The following ODAD1 variants were observed in gnomAD, a reference collection of about 807,000 sequenced individuals.
The protein encoded by ODAD1 is outer dynein arm-docking complex subunit 1.
In ODAD1, 49 loss-of-function variants were observed where a neutral mutation model predicts 67.2. That is an observed-to-expected ratio of 0.73 (90% CI 0.58 to 0.92). ODAD1 has a LOEUF of 0.92. Ranked by LOEUF, ODAD1 falls within the 40% of genes least tolerant of loss-of-function variation. ODAD1 has a pLI of 0.00. For synonymous variants in ODAD1, 345 were observed against 393.7 expected, an observed-to-expected ratio of 0.88 and a Z score of 1.46; for missense variants, 897 against 953.7, an observed-to-expected ratio of 0.94 and a Z score of 0.78.
rs576840660 is a variant in ODAD1, at chr19:48,296,970, C to T, written c.*6G>A. The T allele has an allele frequency of 2.6e-5, 42 of 1,586,098 alleles. No homozygotes were observed. In the East Asian group the frequency reaches 8.5e-4, roughly 32 times the overall value. On this transcript the variant is annotated 3_prime_UTR_variant, in exon 16 of 16. Transcript: ENST00000674294. ...AGGGCAGGGTGGGGGCTGCGTGCCCCTCGTGTTAGCCCCGGGAGTCTTTGC... is the reference window on the plus strand; with the variant it reads ...AGGGCAGGGTGGGGGCTGCGTGCCCTTCGTGTTAGCCCCGGGAGTCTTTGC...
chr19:48,316,028 C>T (rs55811213), intron 5 of ODAD1, among the ~76,000 whole-genome samples: 22,004 of 152,170 alleles, frequency 0.14, 1,803 homozygotes, highest in Non-Finnish European at 0.17. Context: ...CTTGGCTAAA[C>T]ATCTAGGAGT....
At chr19:48,321,142 G>A (rs1395049919) in intron 1 of ODAD1, among the ~76,000 whole-genome samples, 2 of 152,224 alleles carry the variant, frequency 1.3e-5, no homozygotes, top group Non-Finnish European at 2.9e-5. Context: ...GGAGGCTGGG[G>A]CAGGAGAATC....
At position 48,304,056 on chromosome 19, in the gene ODAD1, C is replaced by A; in HGVS notation, c.750G>T (p.Leu250=). The A allele has an allele frequency of 6.2e-7, 1 of 1,614,234 alleles. No homozygotes were observed. Among genetic ancestry groups the A allele is most frequent in the Non-Finnish European group, 8.5e-7 (1 of 1,180,030 alleles). The change falls in exon 9 of 16, where the codon CTG becomes CTT. Residue 250 remains leucine, a synonymous_variant. Transcript: ENST00000674294. ...GCTCCAGGTGCAAGATCTGCCGCTGCAGGACCTGCGCCTCCATCTCGCTCT... is the reference window on the plus strand; with the variant it reads ...GCTCCAGGTGCAAGATCTGCCGCTGAAGGACCTGCGCCTCCATCTCGCTCT... ...EAQSEMEAQV[L]QRQILHLEQL...
intron 5 of ODAD1, among the ~76,000 whole-genome samples, chr19:48,314,202 G>T (rs932662773): frequency 6.6e-6 from 1 of 152,130 alleles, no homozygotes; most frequent in African/African-American, 2.4e-5. Flanking sequence ...GAGAGATTGG[G>T]TGACATGTCT....
chr19:48,306,154 T>C lies in ODAD1; in HGVS notation c.665+102A>G, dbSNP rs569761193. 4.4e-5 allele frequency: 66 copies of C among 1,500,158 alleles called. No homozygotes were observed. The African/African-American group carries it at 8.5e-4, about 19-fold the overall frequency. The allele number at this position is 1,500,158 out of a possible 1,614,324, so 92.9% of individuals were successfully genotyped here. A position where few individuals can be genotyped will look rare whatever the true frequency, so the allele number is the denominator to read the frequency against. ...ATATTATGGGAGAAAAAATAGGTTC[T>C]GACGTGTTTCATGAGTCCTGAACCT... On this transcript the variant is annotated intron_variant, in intron 8 of 15. Transcript: ENST00000674294.
chr19:48,298,353 G>A lies in ODAD1; in HGVS notation c.1241-13C>T, dbSNP rs548920176. 6.2e-7 allele frequency: 1 copy of A among 1,613,404 alleles called. No homozygotes were observed. Among genetic ancestry groups the A allele is most frequent in the East Asian group, 2.2e-5 (1 of 44,876 alleles). On this transcript the variant is annotated splice_polypyrimidine_tract_variant and intron_variant, in intron 12 of 15. Coordinates refer to ENST00000674294, the MANE Select transcript of ODAD1 (RefSeq NM_001364171.2). ...AGGAGCTGGATATCTGCGTCATGGA[G>A]GGCCGGTTGTCAGGGATCTGGCACC...
chr19:48,317,264 A>G (rs866385120), intron 5 of ODAD1, among the ~76,000 whole-genome samples: 1 of 152,082 alleles, frequency 6.6e-6, no homozygotes, highest in Non-Finnish European at 1.5e-5. Context: ...ATATTAATAT[A>G]TGTGTGTGTG....
chr19:48,301,401 A>C (rs1444039808), intron 12 of ODAD1, among the ~76,000 whole-genome samples: 3 of 152,004 alleles, frequency 2.0e-5, no homozygotes, highest in Non-Finnish European at 4.4e-5. Flanking sequence ...GGACAGTTGG[A>C]GGGACAGCAT....
At position 48,303,640 on chromosome 19, in the gene ODAD1, C is replaced by A; in HGVS notation, c.988+10G>T. The A allele has an allele frequency of 6.2e-7, 1 of 1,613,976 alleles. No homozygotes were observed. The highest frequency in any genetic ancestry group is 1.1e-5 in the South Asian group (1 of 91,082). On this transcript the variant is annotated intron_variant, in intron 10 of 15. Transcript: ENST00000674294. ...CCGGGCCTCCTCCCTCCACCCAGGGCCCCACTCACTCTCCAGATACTTCTG... is the reference window on the plus strand; with the variant it reads ...CCGGGCCTCCTCCCTCCACCCAGGGACCCACTCACTCTCCAGATACTTCTG...
At chr19:48,308,504 T>A (rs1001558024) in intron 7 of ODAD1, among the ~76,000 whole-genome samples, 5 of 139,316 alleles carry the variant, frequency 3.6e-5, no homozygotes, top group African/African-American at 1.5e-4. Context: ...GAAAATGCGA[T>A]CTTATAAATG....
intron 5 of ODAD1, among the ~76,000 whole-genome samples, chr19:48,316,943 G>A (rs1162777711): frequency 6.6e-6 from 1 of 151,954 alleles, no homozygotes; most frequent in Non-Finnish European, 1.5e-5. Flanking sequence ...AGGTTGCAGT[G>A]AGCCAAGATC....
At chr19:48,320,138 C>A in intron 3 of ODAD1, 161 bp downstream of exon 3, 7 of 935,228 alleles carry the variant, frequency 7.5e-6, no homozygotes, top group Non-Finnish European at 9.5e-6. Context: ...CTTGGCCCAC[C>A]CACCGTGGTG....
intron 12 of ODAD1, among the ~76,000 whole-genome samples, chr19:48,299,410 C>G (rs977187296): frequency 6.6e-6 from 1 of 151,630 alleles, no homozygotes; most frequent in Non-Finnish European, 1.5e-5. Context: ...GATTCCATCT[C>G]AAAAAAACAA....
chr19:48,321,632 G>C, intron 1 of ODAD1, 46 bp downstream of exon 1: 2 of 381,228 alleles, frequency 5.2e-6, no homozygotes, highest in Non-Finnish European at 9.3e-6. Flanking sequence ...GCCTGCGGGA[G>C]GTCGAAATGG....
intron 1 of ODAD1, among the ~76,000 whole-genome samples, chr19:48,321,342 A>G (rs1444203221): frequency 6.6e-6 from 1 of 151,912 alleles, no homozygotes; most frequent in East Asian, 1.9e-4. Flanking sequence ...TGAGAGGTGC[A>G]CGGCTGTGAG....
intron 7 of ODAD1, among the ~76,000 whole-genome samples, chr19:48,306,948 C>T (rs897125708): frequency 2.6e-5 from 4 of 151,768 alleles, no homozygotes; most frequent in African/African-American, 4.8e-5. Context: ...TTTGGGAGGC[C>T]AAGACGGGAG....
At chr19:48,298,546 G>A (rs1968370886) in intron 12 of ODAD1, among the ~76,000 whole-genome samples, 1 of 152,202 alleles carries the variant, frequency 6.6e-6, no homozygotes, top group African/African-American at 2.4e-5. Flanking sequence ...TTCAAAGTCA[G>A]CCTCAAGTGT....
Position 48,298,071 on chromosome 19 carries a change from G to C in ODAD1, c.1431C>G (p.Ala477=). 1 of 1,613,282 alleles carries C rather than the reference G, an allele frequency of 6.2e-7. No individual in the cohort carries two copies. Among genetic ancestry groups the C allele is most frequent in the Non-Finnish European group, 8.5e-7 (1 of 1,179,732 alleles). Residue 477 remains alanine (A), a synonymous_variant, in exon 14 of 16, where the codon GCC becomes GCG. Coordinates refer to ENST00000674294, the MANE Select transcript of ODAD1 (RefSeq NM_001364171.2). ...AQSFTSLADA[A]LLVLGQSLED... ...CCAGGCTCTGGCCCAGCACTAGGAG[G>C]GCAGCGTCGGCCAGGGAGGTGAAGC...
chr19:48,297,773 C>T, intron 14 of ODAD1, 105 bp from the exon 15 acceptor site: 6 of 1,069,024 alleles, frequency 5.6e-6, no homozygotes, highest in Non-Finnish European at 7.8e-6. Flanking sequence ...TCCCACCAGC[C>T]CCGAGTGCCC....
Sources: gnomAD v4.1 joint callset for allele counts (sites outside exome capture counted in the v4.1 genomes callset) on GRCh38, gnomAD v4.1.1 for gene constraint, MANE v1.5 for transcripts, NCBI Gene and HGNC (gene_info 2026-07-23, HGNC 2026-07-21) for gene names.